Variants in KLF12 observed in about 807,000 individuals in gnomAD.
The protein encoded by KLF12 is Krueppel-like factor 12.
KLF12 carries 9 observed loss-of-function variants against 37.8 expected under a neutral mutation model. The ratio of observed to expected loss-of-function variants is 0.24; its 90% CI spans 0.14 to 0.42. The LOEUF (loss-of-function observed/expected upper bound fraction) is 0.42. Ranked by LOEUF, KLF12 falls within the 10% of genes least tolerant of loss-of-function variation. KLF12 has a pLI of 1.00. For synonymous variants in KLF12, 208 were observed against 202.1 expected, an observed-to-expected ratio of 1.03 and a Z score of -0.25; for missense variants, 411 against 516.0, an observed-to-expected ratio of 0.80 and a Z score of 1.97.
the KLF12 span, chr13:74,231,620 A>G: frequency 3.9e-5 from 6 of 152,224 alleles, no homozygotes; most frequent in South Asian, 4.2e-4. Flanking sequence ...AACATAATGT[A>G]TATGTTGTCT....
chr13:74,020,092 C>G (rs1566506730), intron 1 of KLF12, among the ~76,000 whole-genome samples: 1 of 152,190 alleles, frequency 6.6e-6, no homozygotes, highest in African/African-American at 2.4e-5. Context: ...ATAAAAAAGA[C>G]TTTACATGTC....
At chr13:74,212,504 T>G in the KLF12 span, among the ~76,000 whole-genome samples, 1 of 152,172 alleles carries the variant, frequency 6.6e-6, no homozygotes, top group South Asian at 2.1e-4. Flanking sequence ...AAGAGTTCTT[T>G]GCTACCAAAA....
At position 73,883,486 on chromosome 13, in the gene KLF12, G is replaced by C. The variant is rs76305007; in HGVS notation, c.124-37113C>G. Among the ~76,000 whole-genome samples, 191 of 152,300 alleles carry C rather than the reference G, an allele frequency of 1.3e-3. 2 individuals are homozygous for C. In the East Asian group the frequency reaches 0.033, roughly 26 times the overall value. ...TCTCTTTGGTAAACTGAAGAGATGT[G>C]ACAGGGAAGAACCCCCTAAGATCAA... On this transcript the variant is annotated intron_variant, in intron 3 of 7. Transcript: ENST00000377669.
intron 3 of KLF12, among the ~76,000 whole-genome samples, chr13:73,864,721 T>C (rs1886090575): frequency 6.6e-6 from 1 of 152,038 alleles, no homozygotes; most frequent in African/African-American, 2.4e-5. Flanking sequence ...GAAACATCAA[T>C]CAACACAAAA....
At chr13:73,916,056 A>G (rs9543483) in intron 3 of KLF12, among the ~76,000 whole-genome samples, 1 of 151,928 alleles carries the variant, frequency 6.6e-6, no homozygotes, top group East Asian at 1.9e-4. Flanking sequence ...TGCCAAAAAC[A>G]TGGAGTTTTA....
At chr13:74,287,388 G>GAGAGAGAGAGAGAGAGAGAGAC in the KLF12 span, among the ~76,000 whole-genome samples, 1 of 151,344 alleles carries the variant, frequency 6.6e-6, no homozygotes, top group African/African-American at 2.4e-5. Flanking sequence ...GAGAGAGAGA[G>GAGAGAGAGAGAGAGAGAGAGAC]AGAGAGAATC....
At chr13:74,225,580 G>A in the KLF12 span, among the ~76,000 whole-genome samples, 2 of 152,064 alleles carry the variant, frequency 1.3e-5, no homozygotes, top group Non-Finnish European at 2.9e-5. Flanking sequence ...TTGAACACAT[G>A]CCATTTACCA....
At position 73,729,446 on chromosome 13, in the gene KLF12, C is replaced by T. The variant is rs959818795; in HGVS notation, c.870-13921G>A. 6.6e-5 allele frequency among the ~76,000 whole-genome samples: 10 copies of T among 152,146 alleles called. 1 individual carries two copies. In the South Asian group the frequency reaches 1.4e-3, roughly 22 times the overall value. ...GCTTAGAAGATTGTCAGAAAAAGTA[C>T]TTGACAGCAGGCAGGGTAGGTACTG... On this transcript the variant is annotated intron_variant, in intron 6 of 7. Transcript: ENST00000377669.
In KLF12 at chr13:73,813,271, T is replaced by A. The variant is rs1204061988; in HGVS notation, c.687A>T (p.Arg229=). 1 of 1,614,012 alleles carries A rather than the reference T, an allele frequency of 6.2e-7. No homozygotes were observed. The highest frequency in any genetic ancestry group is 1.1e-5 in the South Asian group (1 of 91,080). Residue 229 remains arginine, a synonymous_variant, in exon 5 of 8, where the codon CGA becomes CGT. Transcript: ENST00000377669. ...TTTTACTTTGTCTGGGAGATAGGCC[T>A]CGGGGGTCCATTTGTGCTGGAGAGA...
chr13:74,145,512 C>T, the KLF12 span, among the ~76,000 whole-genome samples: 1 of 152,134 alleles, frequency 6.6e-6, no homozygotes, highest in Non-Finnish European at 1.5e-5. Flanking sequence ...CTGTGAAAAT[C>T]TAGACACACA....
At chr13:73,818,746 G>A (rs534950194) in intron 4 of KLF12, among the ~76,000 whole-genome samples, 3 of 152,212 alleles carry the variant, frequency 2.0e-5, no homozygotes, top group Non-Finnish European at 2.9e-5. Flanking sequence ...TCACCTCCAC[G>A]CGCCAGGGCT....
At chr13:73,988,369 A>C (rs1351481113) in intron 2 of KLF12, among the ~76,000 whole-genome samples, 1 of 152,218 alleles carries the variant, frequency 6.6e-6, no homozygotes, top group Non-Finnish European at 1.5e-5. Flanking sequence ...CACCAATCAC[A>C]TACAACTGTA....
chr13:74,033,856 A>G (rs1893176052), intron 1 of KLF12, among the ~76,000 whole-genome samples: 1 of 152,128 alleles, frequency 6.6e-6, no homozygotes, highest in Admixed American at 6.5e-5. Context: ...AGGCATACAG[A>G]AAGTATACAT....
At chr13:73,992,012 A>C (rs534069514) in intron 2 of KLF12, among the ~76,000 whole-genome samples, 1 of 152,314 alleles carries the variant, frequency 6.6e-6, no homozygotes, top group South Asian at 2.1e-4. Flanking sequence ...AAGTCACCCC[A>C]CTGCTAATGC....
At chr13:73,943,195 C>A (rs1402577005) in intron 3 of KLF12, among the ~76,000 whole-genome samples, 1 of 152,058 alleles carries the variant, frequency 6.6e-6, no homozygotes, top group African/African-American at 2.4e-5. Context: ...GTATTTATGT[C>A]CTTCTATCAG....
At chr13:73,897,461 C>A (rs751055361) in intron 3 of KLF12, among the ~76,000 whole-genome samples, 25 of 152,132 alleles carry the variant, frequency 1.6e-4, no homozygotes, top group Non-Finnish European at 3.7e-4. Context: ...CTCCCCCATC[C>A]GAATCAGGTA....
chr13:74,215,275 C>T, the KLF12 span, among the ~76,000 whole-genome samples: 1 of 151,856 alleles, frequency 6.6e-6, no homozygotes, highest in Non-Finnish European at 1.5e-5. Context: ...TCCACTTTAT[C>T]TTCCTACACT....
intron 1 of KLF12, among the ~76,000 whole-genome samples, chr13:74,011,310 G>C (rs1484917687): frequency 6.6e-6 from 1 of 150,848 alleles, no homozygotes; most frequent in African/African-American, 2.4e-5. Flanking sequence ...CAGTACTGCA[G>C]AGGCAAAATG....
chr13:74,113,918 A>G (rs568729602), intron 1 of KLF12, among the ~76,000 whole-genome samples: 2 of 152,362 alleles, frequency 1.3e-5, no homozygotes, highest in African/African-American at 4.8e-5. Context: ...TATCAACATT[A>G]GAAGGAGTTT....
Sources: gnomAD v4.1 joint callset for allele counts (sites outside exome capture counted in the v4.1 genomes callset) on GRCh38, gnomAD v4.1.1 for gene constraint, MANE v1.5 for transcripts, NCBI Gene and HGNC (gene_info 2026-07-23, HGNC 2026-07-21) for gene names.